The following ZFPM2 variants were observed in gnomAD, a reference collection of about 807,000 sequenced individuals.
ZFPM2 encodes the protein zinc finger protein, FOG family member 2.
ZFPM2 carries 20 observed loss-of-function variants against 98.6 expected under a neutral mutation model. The ratio of observed to expected loss-of-function variants is 0.20; its 90% CI spans 0.14 to 0.29. The LOEUF is 0.29. Among genes scored for constraint, ZFPM2 ranks in the 10% least tolerant of loss-of-function variants. The pLI is 1.00. For missense variants in ZFPM2, 1,310 were observed against 1,388.6 expected, an observed-to-expected ratio of 0.94 and a Z score of 0.90; for synonymous variants, 518 against 502.7, an observed-to-expected ratio of 1.03 and a Z score of -0.41.
intron 1 of ZFPM2, among the ~76,000 whole-genome samples, chr8:105,340,628 T>C (rs1182962140): frequency 1.3e-5 from 2 of 151,964 alleles, no homozygotes; most frequent in African/African-American, 4.8e-5. Context: ...GATGGAGACT[T>C]CTAATTAATA....
At chr8:105,491,567 G>A (rs1022389521) in intron 3 of ZFPM2, among the ~76,000 whole-genome samples, 25 of 152,110 alleles carry the variant, frequency 1.6e-4, no homozygotes, top group African/African-American at 5.3e-4. Flanking sequence ...TGTTGTTGGA[G>A]TTTGAATGCA....
chr8:105,552,134 C>T (rs1814868765), intron 3 of ZFPM2, among the ~76,000 whole-genome samples: 1 of 152,136 alleles, frequency 6.6e-6, no homozygotes, highest in East Asian at 1.9e-4. Flanking sequence ...ATCTTGTCAT[C>T]GGACAGGATC....
At chr8:105,780,710 C>G (rs900550526) in intron 5 of ZFPM2, 3 of 152,342 alleles carry the variant, frequency 2.0e-5, no homozygotes, top group African/African-American at 7.2e-5. Flanking sequence ...GGTGAAACCC[C>G]GTCCCTACTA....
At chr8:105,729,919 T>C (rs1471033163) in intron 5 of ZFPM2, among the ~76,000 whole-genome samples, 2 of 151,192 alleles carry the variant, frequency 1.3e-5, no homozygotes, top group Non-Finnish European at 3.0e-5. Context: ...ATTAAATATA[T>C]AATGTGCATA....
intron 3 of ZFPM2, among the ~76,000 whole-genome samples, chr8:105,539,939 T>C (rs1359701583): frequency 6.6e-6 from 1 of 152,174 alleles, no homozygotes; most frequent in African/African-American, 2.4e-5. Context: ...AAGAGCAGAA[T>C]ATATGCAGAG....
chr8:105,664,487 A>G (rs1322262704), intron 5 of ZFPM2, among the ~76,000 whole-genome samples: 3 of 152,052 alleles, frequency 2.0e-5, no homozygotes, highest in Non-Finnish European at 4.4e-5. Context: ...GGCATGCGCC[A>G]CCATTCCTGG....
At chr8:105,659,678 A>G (rs916029351) in intron 5 of ZFPM2, among the ~76,000 whole-genome samples, 6 of 152,142 alleles carry the variant, frequency 3.9e-5, no homozygotes, top group African/African-American at 1.4e-4. Context: ...GAATAGAAGA[A>G]CTCAGACCCA....
intron 5 of ZFPM2, among the ~76,000 whole-genome samples, chr8:105,647,746 A>G (rs1275630406): frequency 6.6e-5 from 10 of 152,172 alleles, no homozygotes; most frequent in East Asian, 3.9e-4. Context: ...CATGGTGTAT[A>G]TGTGCCACAT....
At chr8:105,712,756 G>A (rs1811434299) in intron 5 of ZFPM2, among the ~76,000 whole-genome samples, 1 of 152,032 alleles carries the variant, frequency 6.6e-6, no homozygotes, top group Non-Finnish European at 1.5e-5. Flanking sequence ...CCATCTTCAT[G>A]TCCAAGTGTA....
intron 3 of ZFPM2, among the ~76,000 whole-genome samples, chr8:105,548,130 T>A (rs1303916529): frequency 2.0e-5 from 3 of 151,926 alleles, no homozygotes; most frequent in Admixed American, 6.6e-5. Context: ...ACCAAGTAGA[T>A]CATAGGAATA....
chr8:105,448,054 TTAAG>T (rs551613322), intron 3 of ZFPM2, among the ~76,000 whole-genome samples: 193 of 152,218 alleles, frequency 1.3e-3, no homozygotes, highest in African/African-American at 4.3e-3. Context: ...TGATTCCTGT[TTAAG>T]TATACTTCAA....
At chr8:105,530,269 T>C (rs1814267947) in intron 3 of ZFPM2, among the ~76,000 whole-genome samples, 1 of 152,102 alleles carries the variant, frequency 6.6e-6, no homozygotes, top group Admixed American at 6.6e-5. Flanking sequence ...TCATAATCTT[T>C]ATGAAAATCT....
At chr8:105,391,607 T>G in intron 1 of ZFPM2, among the ~76,000 whole-genome samples, 1 of 152,212 alleles carries the variant, frequency 6.6e-6, no homozygotes, top group East Asian at 1.9e-4. Flanking sequence ...TCTAAATCCT[T>G]TATCATTTCA....
intron 4 of ZFPM2, among the ~76,000 whole-genome samples, chr8:105,562,971 G>T (rs1284949044): frequency 6.6e-6 from 1 of 152,176 alleles, no homozygotes; most frequent in Non-Finnish European, 1.5e-5. Context: ...GATAACACAG[G>T]TGATGAAATT....
intron 5 of ZFPM2, among the ~76,000 whole-genome samples, chr8:105,678,133 C>CAG (rs1449173736): frequency 6.6e-6 from 1 of 152,126 alleles, no homozygotes. Flanking sequence ...GTAGGAGATA[C>CAG]AGAAGTTTGG....
At chr8:105,458,740 CAAAAG>C (rs1351124156) in intron 3 of ZFPM2, among the ~76,000 whole-genome samples, 2 of 151,778 alleles carry the variant, frequency 1.3e-5, no homozygotes, top group African/African-American at 2.4e-5. Flanking sequence ...AAAAGCAAGC[CAAAAG>C]AAAAGAAAAA....
intron 3 of ZFPM2, among the ~76,000 whole-genome samples, chr8:105,489,976 C>T (rs1401998137): frequency 5.3e-5 from 8 of 152,042 alleles, no homozygotes; most frequent in South Asian, 4.2e-4. Context: ...CTGCCAGGTG[C>T]GGTGGCTCAC....
In ZFPM2 at chr8:105,664,977, T is replaced by G. The variant is rs115137011; in HGVS notation, c.532+30620T>G. On this transcript the variant is annotated intron_variant, in intron 5 of 7. Coordinates refer to ENST00000407775, the MANE Select transcript of ZFPM2 (RefSeq NM_012082.4). ...AAAAATTCACTGTTTTAGTTCATTT[T>G]CTCTTTCTATAGCAGAACTACAGAC... Among the ~76,000 whole-genome samples the G allele has an allele frequency of 4.4e-3, 677 of 152,310 alleles. 2 individuals carry two copies. The highest frequency in any genetic ancestry group is 0.015 in the African/African-American group (634 of 41,562).
At chr8:105,703,322 G>A (rs1197877353) in intron 5 of ZFPM2, among the ~76,000 whole-genome samples, 12 of 152,062 alleles carry the variant, frequency 7.9e-5, no homozygotes, top group South Asian at 2.1e-4. Context: ...TTTATATACT[G>A]AGGTAAATAG....
Sources: gnomAD v4.1 joint callset for allele counts (sites outside exome capture counted in the v4.1 genomes callset) on GRCh38, gnomAD v4.1.1 for gene constraint, MANE v1.5 for transcripts, NCBI Gene and HGNC (gene_info 2026-07-23, HGNC 2026-07-21) for gene names.